ENOX1: variants seen among roughly 807,000 people sequenced by gnomAD.
ENOX1 encodes ecto-NOX disulfide-thiol exchanger 1.
Under a neutral mutation model 82.5 loss-of-function variants are expected in ENOX1, and 42 were observed. The observed-to-expected ratio is 0.51, with a 90% CI of 0.40 to 0.66. The LOEUF (loss-of-function observed/expected upper bound fraction) is 0.66, where lower values mean the gene tolerates loss of function less well. Ranked by LOEUF, ENOX1 falls within the 30% of genes least tolerant of loss-of-function variation. The pLI is 0.00. For synonymous variants in ENOX1, 271 were observed against 282.2 expected (o/e 0.96, Z 0.40); for missense variants, 608 against 811.6 (o/e 0.75, Z 3.05).
intron 2 of ENOX1, among the ~76,000 whole-genome samples, chr13:43,549,400 C>T (rs908062278): frequency 5.9e-5 from 9 of 152,138 alleles, no homozygotes; most frequent in African/African-American, 2.2e-4. Context: ...ATAACAACTG[C>T]TAAAAGTACT....
intron 2 of ENOX1, among the ~76,000 whole-genome samples, chr13:43,495,157 G>A (rs9533511): frequency 1.3e-5 from 2 of 152,150 alleles, no homozygotes; most frequent in East Asian, 3.8e-4. Context: ...AAGATCAATA[G>A]AGACTATCAA....
At chr13:43,306,822 T>C (rs867808911) in intron 11 of ENOX1, among the ~76,000 whole-genome samples, 1 of 55,540 alleles carries the variant, frequency 1.8e-5, no homozygotes. Context: ...ACCCTCTACA[T>C]AGAAACACAC....
intron 1 of ENOX1, among the ~76,000 whole-genome samples, chr13:43,672,861 A>G (rs2085332814): frequency 6.6e-6 from 1 of 152,112 alleles, no homozygotes; most frequent in Non-Finnish European, 1.5e-5. Flanking sequence ...AAATAGTTGC[A>G]TTTGCCATCT....
At chr13:43,278,429 A>G (rs891722331) in intron 12 of ENOX1, among the ~76,000 whole-genome samples, 1 of 152,216 alleles carries the variant, frequency 6.6e-6, no homozygotes, top group African/African-American at 2.4e-5. Context: ...AGTTTTGCAA[A>G]GACGATGAAC....
At chr13:43,701,748 T>C (rs1398193153) in intron 1 of ENOX1, among the ~76,000 whole-genome samples, 2 of 152,198 alleles carry the variant, frequency 1.3e-5, no homozygotes, top group East Asian at 1.9e-4. Flanking sequence ...GATTATGGCA[T>C]TTGGAATTGT....
At chr13:43,701,233 G>A (rs1175231508) in intron 1 of ENOX1, among the ~76,000 whole-genome samples, 3 of 152,196 alleles carry the variant, frequency 2.0e-5, no homozygotes, top group East Asian at 1.9e-4. Context: ...TTTTGTACAC[G>A]TGCATTTGTA....
At chr13:43,761,308 C>T (rs766370255) in intron 1 of ENOX1, among the ~76,000 whole-genome samples, 9 of 152,204 alleles carry the variant, frequency 5.9e-5, no homozygotes, top group Non-Finnish European at 1.2e-4. Context: ...TTATTTCATA[C>T]AAAAACACAT....
Position 43,244,417 on chromosome 13 carries a change from A to G in ENOX1, c.1612-7679T>C, listed in dbSNP as rs370642918. 2.2e-4 allele frequency among the ~76,000 whole-genome samples: 34 copies of G among 152,284 alleles called. 1 individual carries two copies. The South Asian group carries it at 7.0e-3, about 32-fold the overall frequency. On this transcript the variant is annotated intron_variant, in intron 14 of 16. Transcript: ENST00000690772. ...CAATTCTGTATAAGACTTTGACTAC[A>G]ATTATATAAAAATATTTATGCAAAA...
chr13:43,504,396 T>C (rs1215146115), intron 2 of ENOX1, among the ~76,000 whole-genome samples: 1 of 151,826 alleles, frequency 6.6e-6, no homozygotes, highest in Non-Finnish European at 1.5e-5. Context: ...TTATTCACAA[T>C]AGGCAAGATA....
intron 1 of ENOX1, among the ~76,000 whole-genome samples, chr13:43,751,424 C>T (rs550869857): frequency 3.3e-5 from 5 of 152,124 alleles, no homozygotes; most frequent in African/African-American, 7.2e-5. Flanking sequence ...TGTACAATTT[C>T]GTAAGTTTGA....
Position 43,593,963 on chromosome 13 carries a change from G to T in ENOX1, c.-219+73516C>A, listed in dbSNP as rs566986175. Among the ~76,000 whole-genome samples, 73 of 152,178 alleles carry T rather than the reference G, an allele frequency of 4.8e-4. 1 individual carries two copies. Among genetic ancestry groups the T allele is most frequent in the African/African-American group, 1.6e-3 (67 of 41,508 alleles). On this transcript the variant is annotated intron_variant, in intron 2 of 16. Coordinates refer to ENST00000690772, the MANE Select transcript of ENOX1 (RefSeq NM_001347969.2). ...CTAGGTCTGGAGGTATCTCTACAAGGTCAGGGAGATGTGCTCCTACCTAAG... is the reference window on the plus strand; with the variant it reads ...CTAGGTCTGGAGGTATCTCTACAAGTTCAGGGAGATGTGCTCCTACCTAAG...
At chr13:43,556,280 T>C (rs1402529351) in intron 2 of ENOX1, among the ~76,000 whole-genome samples, 1 of 151,998 alleles carries the variant, frequency 6.6e-6, no homozygotes, top group Non-Finnish European at 1.5e-5. Flanking sequence ...TTTTCTAATA[T>C]GTAGTAAAAG....
intron 8 of ENOX1, among the ~76,000 whole-genome samples, chr13:43,346,097 C>A (rs17633189): frequency 6.6e-6 from 1 of 152,290 alleles, no homozygotes; most frequent in South Asian, 2.1e-4. Flanking sequence ...ACCTTCCCAC[C>A]GTTGAGTGCT....
intron 1 of ENOX1, among the ~76,000 whole-genome samples, chr13:43,726,867 G>A (rs566754196): frequency 1.6e-4 from 25 of 152,042 alleles, no homozygotes; most frequent in Admixed American, 1.3e-3. Flanking sequence ...TCAGCCTCCC[G>A]AGGAGCTGGG....
intron 14 of ENOX1, among the ~76,000 whole-genome samples, chr13:43,239,177 T>C (rs61951860): frequency 0.062 from 9,394 of 152,226 alleles, 401 homozygotes; most frequent in Non-Finnish European, 0.09. Flanking sequence ...TTTCTTGAGA[T>C]TGGATACTGG....
chr13:43,692,833 A>C (rs189725109), intron 1 of ENOX1, among the ~76,000 whole-genome samples: 1 of 152,274 alleles, frequency 6.6e-6, no homozygotes, highest in African/African-American at 2.4e-5. Flanking sequence ...ACTGATAAAA[A>C]TTTGCAGGAA....
intron 5 of ENOX1, among the ~76,000 whole-genome samples, chr13:43,399,762 C>T (rs561205806): frequency 6.6e-6 from 1 of 152,180 alleles, no homozygotes; most frequent in Non-Finnish European, 1.5e-5. Flanking sequence ...CCATCTGTCT[C>T]TTGCAGAGAC....
intron 2 of ENOX1, among the ~76,000 whole-genome samples, chr13:43,589,138 T>C (rs1385733044): frequency 1.5e-5 from 2 of 132,956 alleles, no homozygotes; most frequent in African/African-American, 2.9e-5. Flanking sequence ...ACAAGAATGC[T>C]AAGCAAACCC....
At chr13:43,345,999 T>C (rs759706744) in intron 8 of ENOX1, among the ~76,000 whole-genome samples, 4 of 152,154 alleles carry the variant, frequency 2.6e-5, no homozygotes, top group Admixed American at 1.3e-4. Context: ...CAGGGGGAGA[T>C]GCATGCTTGA....
Sources: gnomAD v4.1 joint callset for allele counts (sites outside exome capture counted in the v4.1 genomes callset) on GRCh38, gnomAD v4.1.1 for gene constraint, MANE v1.5 for transcripts, NCBI Gene and HGNC (gene_info 2026-07-23, HGNC 2026-07-21) for gene names.